The following RBM47 variants were observed in gnomAD, a reference collection of about 807,000 sequenced individuals.
RBM47 encodes the protein RNA-binding protein 47.
In RBM47, 21 loss-of-function variants were observed where a neutral mutation model predicts 47.1. The observed-to-expected ratio is 0.45, with a 90% CI of 0.32 to 0.64. RBM47 has a LOEUF of 0.64. RBM47 is among the 30% of genes least tolerant of loss of function. RBM47 has a pLI of 0.05. For missense variants in RBM47, 708 were observed against 870.9 expected, an observed-to-expected ratio of 0.81 and a Z score of 2.35; for synonymous variants, 375 against 361.7, an observed-to-expected ratio of 1.04 and a Z score of -0.42.
intron 5 of RBM47, among the ~76,000 whole-genome samples, chr4:40,434,003 GTGT>G (rs1488956481): frequency 0.025 from 2,028 of 79,604 alleles, 275 homozygotes; most frequent in South Asian, 0.044. Flanking sequence ...TGGGGCGGGG[GTGT>G]GTGTGTGTGT....
chr4:40,474,918 T>A (rs1356183765), intron 2 of RBM47, among the ~76,000 whole-genome samples: 2 of 152,204 alleles, frequency 1.3e-5, no homozygotes, highest in Non-Finnish European at 2.9e-5. Context: ...TATTTTTCTT[T>A]AAAAGATTAG....
intron 1 of RBM47, among the ~76,000 whole-genome samples, chr4:40,557,500 G>T (rs978701039): frequency 2.6e-5 from 4 of 152,130 alleles, no homozygotes; most frequent in African/African-American, 9.7e-5. Flanking sequence ...TGTAATCCCA[G>T]CGCTTTGGGA....
At chr4:40,564,187 A>T (rs1281585200) in intron 1 of RBM47, among the ~76,000 whole-genome samples, 1 of 152,234 alleles carries the variant, frequency 6.6e-6, no homozygotes, top group Non-Finnish European at 1.5e-5. Context: ...TGGCCAGTGG[A>T]TGCAGAGGAA....
intron 3 of RBM47, among the ~76,000 whole-genome samples, chr4:40,452,648 T>C (rs1438177248): frequency 6.6e-6 from 1 of 151,826 alleles, no homozygotes; most frequent in African/African-American, 2.4e-5. Context: ...CTACCGTCTA[T>C]TATAAACATC....
intron 2 of RBM47, among the ~76,000 whole-genome samples, chr4:40,510,779 A>C (rs764923117): frequency 6.6e-6 from 1 of 152,148 alleles, no homozygotes; most frequent in Non-Finnish European, 1.5e-5. Context: ...CTAAACTAAG[A>C]GTCAATAGGG....
chr4:40,466,678 G>A lies in RBM47; in HGVS notation c.-133C>T, dbSNP rs1393212025. On this transcript the variant is annotated 5_prime_UTR_variant, in exon 3 of 7. Coordinates refer to ENST00000295971, the MANE Select transcript of RBM47 (RefSeq NM_001098634.2). The stretch of plus-strand genomic sequence containing the variant: ...CTTGGGATTCCTCTGTTCAATTTTT[G>A]CAGTGCCCTTTGAGGCAAATCCTAA... 1 of 148,168 alleles carries A rather than the reference G, an allele frequency of 6.7e-6. No individual in the cohort carries two copies. Among genetic ancestry groups the A allele is most frequent in the Non-Finnish European group, 1.5e-5 (1 of 67,368 alleles). The allele number at this position is 148,168 out of a possible 1,614,324, so 9.2% of individuals were successfully genotyped here.
intron 2 of RBM47, among the ~76,000 whole-genome samples, chr4:40,507,764 C>T (rs1415604525): frequency 6.6e-6 from 1 of 151,124 alleles, no homozygotes; most frequent in Non-Finnish European, 1.5e-5. Flanking sequence ...CCAGCCTGGG[C>T]GACAGAGTGA....
intron 2 of RBM47, among the ~76,000 whole-genome samples, chr4:40,473,330 TCAAACCCC>T (rs1719179083): frequency 6.6e-6 from 1 of 152,190 alleles, no homozygotes; most frequent in African/African-American, 2.4e-5. Flanking sequence ...AAGCTGGGGT[TCAAACCCC>T]AGGCCTTCTA....
intron 1 of RBM47, among the ~76,000 whole-genome samples, chr4:40,548,841 T>C (rs1729269506): frequency 6.6e-6 from 1 of 151,736 alleles, no homozygotes; most frequent in Non-Finnish European, 1.5e-5. Context: ...AATTATTGTA[T>C]TTTTAGCCGA....
chr4:40,571,023 C>G (rs1275160246), intron 1 of RBM47, among the ~76,000 whole-genome samples: 3 of 151,968 alleles, frequency 2.0e-5, no homozygotes, highest in Admixed American at 2.0e-4. Flanking sequence ...CCAGACCAGC[C>G]TGGCCAACAA....
chr4:40,596,806 A>AAGAG (rs967587082), intron 1 of RBM47, among the ~76,000 whole-genome samples: 1 of 151,854 alleles, frequency 6.6e-6, no homozygotes, highest in African/African-American at 2.4e-5. Flanking sequence ...CACCCCTGAG[A>AAGAG]AGAGAGAGAG....
At chr4:40,483,721 C>CAATACAATAT (rs1414366898) in intron 2 of RBM47, among the ~76,000 whole-genome samples, 14 of 152,058 alleles carry the variant, frequency 9.2e-5, no homozygotes, top group African/African-American at 3.4e-4. Context: ...CAATACAATA[C>CAATACAATAT]AGTACAATAC....
chr4:40,571,123 G>C (rs559359323), intron 1 of RBM47, among the ~76,000 whole-genome samples: 11 of 152,122 alleles, frequency 7.2e-5, no homozygotes, highest in Non-Finnish European at 1.6e-4. Flanking sequence ...GGTTGAGGCA[G>C]GAGAATCATT....
At chr4:40,461,504 T>A (rs1466068283) in intron 3 of RBM47, among the ~76,000 whole-genome samples, 1 of 152,314 alleles carries the variant, frequency 6.6e-6, no homozygotes, top group East Asian at 1.9e-4. Flanking sequence ...AATCCCTTTT[T>A]ATGGCAAAGA....
intron 1 of RBM47, among the ~76,000 whole-genome samples, chr4:40,587,896 G>A (rs1451593948): frequency 6.6e-6 from 1 of 152,216 alleles, no homozygotes; most frequent in Non-Finnish European, 1.5e-5. Flanking sequence ...ATAGTGAGTT[G>A]CTCAAGGCAA....
intron 1 of RBM47, among the ~76,000 whole-genome samples, chr4:40,574,730 A>G (rs1380686006): frequency 6.6e-6 from 1 of 152,174 alleles, no homozygotes; most frequent in East Asian, 1.9e-4. Flanking sequence ...TATGCCTGTA[A>G]TCTCAGCTAC....
chr4:40,526,966 G>C (rs1339691995), intron 2 of RBM47, among the ~76,000 whole-genome samples: 1 of 151,974 alleles, frequency 6.6e-6, no homozygotes, highest in Non-Finnish European at 1.5e-5. Context: ...ACTAAAGATA[G>C]TACAAAACCT....
chr4:40,442,956 G>A (rs1383760171), intron 3 of RBM47, among the ~76,000 whole-genome samples: 1 of 152,130 alleles, frequency 6.6e-6, no homozygotes, highest in Non-Finnish European at 1.5e-5. Context: ...TTACACGTGT[G>A]AGCCACCGTG....
At chr4:40,448,266 AGT>A (rs148826268) in intron 3 of RBM47, among the ~76,000 whole-genome samples, 3,950 of 151,260 alleles carry the variant, frequency 0.026, 165 homozygotes, top group African/African-American at 0.09. Context: ...TGACTGTGAG[AGT>A]GTGTGTGTGT....
Sources: allele counts gnomAD v4.1 joint callset (sites outside exome capture counted in the v4.1 genomes callset), GRCh38; gene constraint gnomAD v4.1.1; transcripts MANE v1.5; gene names NCBI Gene and HGNC (gene_info 2026-07-23, HGNC 2026-07-21).